CRISP3: variants seen among roughly 807,000 people sequenced by gnomAD.
CRISP3 encodes the protein cysteine-rich secretory protein 3.
Under a neutral mutation model 36.1 loss-of-function variants are expected in CRISP3, and 33 were observed. The observed-to-expected ratio is 0.91, with a 90% confidence interval of 0.69 to 1.22. CRISP3 has a LOEUF of 1.22. Among genes scored for constraint, CRISP3 ranks in the 50% most tolerant of loss-of-function variants. CRISP3 has a pLI of 0.00. For synonymous variants in CRISP3, 117 were observed against 104.6 expected (o/e 1.12, Z -0.72); for missense variants, 330 against 301.2 (o/e 1.10, Z -0.71).
In CRISP3 at chr6:49,736,401, A is replaced by G. The variant is rs1289184402; in HGVS notation, c.218T>C (p.Met73Thr). ...RRAVSPPARN[M>T]LKMEWNKEAA... ...AATATCACCTCTTACCATCTTCAGC[A>G]TGTTTCTGGCAGGGGGAGATACTGC... Residue 73 changes from methionine (M) to threonine (T), a missense_variant, in exon 3 of 8, where the codon ATG (methionine) becomes ACG (threonine). By Grantham distance (81) the Met-to-Thr change is moderately conservative (BLOSUM62 -1). Coordinates refer to ENST00000263045, the MANE Select transcript of CRISP3 (RefSeq NM_006061.4). 3 of 1,608,126 alleles carry G rather than the reference A, an allele frequency of 1.9e-6. No individual in the cohort carries two copies. Among genetic ancestry groups the G allele is most frequent in the Non-Finnish European group, 2.6e-6 (3 of 1,175,200 alleles).
chr6:49,732,808 T>C (rs1446678949), intron 6 of CRISP3, among the ~76,000 whole-genome samples: 1 of 152,196 alleles, frequency 6.6e-6, no homozygotes, highest in African/African-American at 2.4e-5. Flanking sequence ...ATTCCTTATT[T>C]GTTTGTTACC....
intron 1 of CRISP3, among the ~76,000 whole-genome samples, chr6:49,742,476 A>T (rs1443107314): frequency 6.6e-6 from 1 of 152,104 alleles, no homozygotes; most frequent in African/African-American, 2.4e-5. Flanking sequence ...TACTAAAACT[A>T]CAAAAGTTAG....
chr6:49,734,234 C>T lies in CRISP3; in HGVS notation c.317-386G>A, dbSNP rs541576556. On this transcript the variant is annotated intron_variant, in intron 4 of 7. Coordinates refer to ENST00000263045, the MANE Select transcript of CRISP3 (RefSeq NM_006061.4). ...AAGACAGAGATCAACTTAGTAATTCCTCTCCTGCTCTAGCCCATACTCACC... is the reference window on the plus strand; with the variant it reads ...AAGACAGAGATCAACTTAGTAATTCTTCTCCTGCTCTAGCCCATACTCACC... 6.6e-5 allele frequency among the ~76,000 whole-genome samples: 10 copies of T among 152,248 alleles called. No individual in the cohort carries two copies. In the South Asian group the frequency reaches 2.1e-3, roughly 32 times the overall value.
rs778660871 is a variant in CRISP3 at position 49,733,240 on chromosome 6, T to C, written c.515A>G (p.Asn172Ser). ...LVGCGNAYCP[N>S]QKVLKYYYVC... Reference sequence around the variant, plus strand: ...ATAGTAGTATTTTAGAACTTTTTGATTGGGACAGTAGGCATTTCCACATCC... The same window carrying C: ...ATAGTAGTATTTTAGAACTTTTTGACTGGGACAGTAGGCATTTCCACATCC... Residue 172 changes from asparagine to serine, a missense_variant, in exon 6 of 8, where the codon AAT (asparagine) becomes AGT (serine). Asn to Ser is a conservative substitution (Grantham distance 46, BLOSUM62 1). Coordinates refer to ENST00000263045, the MANE Select transcript of CRISP3 (RefSeq NM_006061.4). 5.0e-6 allele frequency: 8 copies of C among 1,611,156 alleles called. No individual in the cohort carries two copies. The highest frequency in any genetic ancestry group is 3.4e-5 in the Admixed American group (2 of 59,656).
chr6:49,733,622 C>T (rs555116691), intron 5 of CRISP3, 81 bp downstream of exon 5: 4 of 1,420,560 alleles, frequency 2.8e-6, no homozygotes, highest in African/African-American at 2.8e-5. Flanking sequence ...CCAAATTCAA[C>T]TTGGAATCAG....
chr6:49,737,258 G>T, intron 2 of CRISP3, 67 bp downstream of exon 2: 2 of 1,230,508 alleles, frequency 1.6e-6, no homozygotes, highest in South Asian at 1.2e-5. Flanking sequence ...TTTGAAGATT[G>T]ATCTAGTAGC....
chr6:49,738,344 C>T (rs1476884911), intron 1 of CRISP3, among the ~76,000 whole-genome samples: 1 of 152,178 alleles, frequency 6.6e-6, no homozygotes, highest in Non-Finnish European at 1.5e-5. Flanking sequence ...AATACATCCT[C>T]TTATGGCAGT....
chr6:49,740,755 C>T (rs1420246853), intron 1 of CRISP3, among the ~76,000 whole-genome samples: 1 of 151,968 alleles, frequency 6.6e-6, no homozygotes. Flanking sequence ...AACAGAAAAA[C>T]GCTTGCTCTA....
rs938412104 is a variant in CRISP3, at chr6:49,728,668, C to T, written c.*62G>A. 2 of 1,400,104 alleles carry T rather than the reference C, an allele frequency of 1.4e-6. No individual in the cohort carries two copies. Among genetic ancestry groups the T allele is most frequent in the Non-Finnish European group, 1.9e-6 (2 of 1,055,454 alleles). 86.7% of individuals were successfully genotyped at this position (1,400,104 alleles called of 1,614,324 possible). ...AGTATATGTTAAATCTAAGTAGATG[C>T]CAAATCTAAGTAGATAATCTGACTC... On this transcript the variant is annotated 3_prime_UTR_variant, in exon 8 of 8. Transcript: ENST00000263045.
intron 5 of CRISP3, 84 bp downstream of exon 5, chr6:49,733,619 C>A: frequency 7.2e-7 from 1 of 1,398,186 alleles, no homozygotes; most frequent in South Asian, 1.4e-5. Flanking sequence ...TCCCCAAATT[C>A]AACTTGGAAT....
intron 2 of CRISP3, among the ~76,000 whole-genome samples, chr6:49,736,900 C>G (rs1387513927): frequency 6.6e-6 from 1 of 151,992 alleles, no homozygotes; most frequent in African/African-American, 2.4e-5. Context: ...TATGATTTAC[C>G]CTAAGACTCT....
intron 7 of CRISP3, among the ~76,000 whole-genome samples, chr6:49,729,561 T>G (rs978649928): frequency 6.6e-6 from 1 of 152,200 alleles, no homozygotes; most frequent in African/African-American, 2.4e-5. Flanking sequence ...ATTTCCTTAT[T>G]ATTTCCCAAC....
intron 7 of CRISP3, among the ~76,000 whole-genome samples, chr6:49,729,607 G>T (rs1768864712): frequency 6.6e-6 from 1 of 152,032 alleles, no homozygotes; most frequent in Non-Finnish European, 1.5e-5. Context: ...TCAGAGAAAT[G>T]ACACTCCCAA....
rs1038658814 is a variant in CRISP3, at chr6:49,736,272, A to C, written c.228+119T>G. 1.1e-5 allele frequency: 8 copies of C among 706,886 alleles called. No individual in the cohort carries two copies. The African/African-American group carries it at 1.3e-4, about 11-fold the overall frequency. The allele number at this position is 706,886 out of a possible 1,614,324, so 43.8% of individuals were successfully genotyped here. A position where few individuals can be genotyped will look rare whatever the true frequency, so the allele number is the denominator to read the frequency against. On this transcript the variant is annotated intron_variant, in intron 3 of 7. Coordinates refer to ENST00000263045, the MANE Select transcript of CRISP3 (RefSeq NM_006061.4). ...CTGCCCATTACACAGCTCAAATGAAACAAAAAAATACAGAGAGAACTTTGT... is the reference window on the plus strand; with the variant it reads ...CTGCCCATTACACAGCTCAAATGAACCAAAAAAATACAGAGAGAACTTTGT...
At chr6:49,738,933 G>A (rs1406628742) in intron 1 of CRISP3, among the ~76,000 whole-genome samples, 2 of 151,942 alleles carry the variant, frequency 1.3e-5, no homozygotes, top group Non-Finnish European at 2.9e-5. Flanking sequence ...GGGAGCAGGG[G>A]AGATATACTT....
At chr6:49,741,623 T>TG (rs1278916454) in intron 1 of CRISP3, among the ~76,000 whole-genome samples, 16 of 147,672 alleles carry the variant, frequency 1.1e-4, no homozygotes, top group African/African-American at 3.7e-4. Flanking sequence ...TTTTTTTTTT[T>TG]TTTTTTTTTT....
At chr6:49,737,444 T>G in intron 1 of CRISP3, 46 bp from the exon 2 acceptor site, 1 of 1,604,366 alleles carries the variant, frequency 6.2e-7, no homozygotes, top group Non-Finnish European at 8.5e-7. Context: ...TTAAAATGAT[T>G]GGTACATGCT....
intron 7 of CRISP3, 120 bp from the exon 8 acceptor site, chr6:49,728,977 A>G (rs1417786007): frequency 1.2e-6 from 1 of 860,390 alleles, no homozygotes; most frequent in Non-Finnish European, 1.7e-6. Flanking sequence ...TGAGATTATT[A>G]CACTAAGATG....
chr6:49,734,045 G>C (rs1561907951), intron 4 of CRISP3, among the ~76,000 whole-genome samples, 197 bp from the exon 5 acceptor site: 1 of 152,164 alleles, frequency 6.6e-6, no homozygotes, highest in Non-Finnish European at 1.5e-5. Context: ...ATAGAAGCCA[G>C]ATTTGCCCAA....
Sources: gnomAD v4.1 joint callset for allele counts (sites outside exome capture counted in the v4.1 genomes callset) on GRCh38, gnomAD v4.1.1 for gene constraint, MANE v1.5 for transcripts, NCBI Gene and HGNC (gene_info 2026-07-23, HGNC 2026-07-21) for gene names.